RBMS3: variants seen among roughly 807,000 people sequenced by gnomAD.
The protein encoded by RBMS3 is RNA-binding motif, single-stranded-interacting protein 3.
Under a neutral mutation model 66.8 loss-of-function variants are expected in RBMS3, and 27 were observed. That is an observed-to-expected ratio of 0.40 (90% CI 0.30 to 0.56). RBMS3 has a LOEUF of 0.56. RBMS3 is among the 20% of genes least tolerant of loss of function. The pLI, the probability that RBMS3 is intolerant of heterozygous loss-of-function variation, is 0.40. For missense variants in RBMS3, 513 were observed against 549.5 expected, an observed-to-expected ratio of 0.93 and a Z score of 0.66; for synonymous variants, 188 against 183.0, an observed-to-expected ratio of 1.03 and a Z score of -0.22.
intron 4 of RBMS3, among the ~76,000 whole-genome samples, chr3:29,687,903 G>C (rs1032793904): frequency 5.3e-5 from 8 of 152,098 alleles, no homozygotes; most frequent in African/African-American, 1.9e-4. Context: ...AGTATAGAAT[G>C]ATAATTACAT....
At chr3:29,566,680 C>A (rs539662285) in intron 3 of RBMS3, among the ~76,000 whole-genome samples, 1 of 148,628 alleles carries the variant, frequency 6.7e-6, no homozygotes, top group Non-Finnish European at 1.5e-5. Flanking sequence ...ATACATTGTG[C>A]GATTCAATTA....
At chr3:29,547,896 C>A (rs570430931) in intron 3 of RBMS3, among the ~76,000 whole-genome samples, 14 of 147,232 alleles carry the variant, frequency 9.5e-5, no homozygotes, top group African/African-American at 3.6e-4. Context: ...ACACAACCTC[C>A]GTCTTCTCAT....
intron 14 of RBMS3, among the ~76,000 whole-genome samples, chr3:29,998,613 A>G (rs576130631): frequency 2.8e-4 from 43 of 152,150 alleles, no homozygotes; most frequent in Non-Finnish European, 3.1e-4. Flanking sequence ...ATAATGCCGC[A>G]TATCTACAAC....
intron 4 of RBMS3, among the ~76,000 whole-genome samples, chr3:29,721,409 G>A (rs2053638275): frequency 6.6e-6 from 1 of 152,076 alleles, no homozygotes; most frequent in Non-Finnish European, 1.5e-5. Flanking sequence ...CCTCGTAAGT[G>A]GTCTAATACT....
intron 1 of RBMS3, among the ~76,000 whole-genome samples, chr3:29,408,754 T>C (rs531320902): frequency 7.9e-5 from 12 of 152,352 alleles, no homozygotes; most frequent in African/African-American, 2.9e-4. Context: ...CTAATATTTT[T>C]CGTCAGAATA....
At chr3:29,754,120 A>G (rs1215738224) in intron 5 of RBMS3, among the ~76,000 whole-genome samples, 1 of 151,396 alleles carries the variant, frequency 6.6e-6, no homozygotes, top group African/African-American at 2.4e-5. Flanking sequence ...ACCATGCCTA[A>G]TTTTTGTATT....
chr3:29,467,269 A>G (rs575009416), intron 2 of RBMS3, among the ~76,000 whole-genome samples: 100 of 152,290 alleles, frequency 6.6e-4, no homozygotes, highest in African/African-American at 2.1e-3. Flanking sequence ...TCTCATGTAA[A>G]GTTCAAATGT....
intron 4 of RBMS3, among the ~76,000 whole-genome samples, chr3:29,629,090 C>G (rs1231204578): frequency 1.3e-5 from 2 of 151,996 alleles, no homozygotes; most frequent in African/African-American, 2.4e-5. Flanking sequence ...TGGTTGGTAG[C>G]TGTTTTAAGA....
chr3:29,535,250 G>A (rs564302667), intron 3 of RBMS3, among the ~76,000 whole-genome samples: 65 of 152,242 alleles, frequency 4.3e-4, no homozygotes, highest in Middle Eastern at 3.4e-3. Context: ...GCTAGAGATG[G>A]TAATGACTAC....
intron 4 of RBMS3, among the ~76,000 whole-genome samples, chr3:29,725,154 A>G (rs1475578756): frequency 2.0e-5 from 3 of 152,216 alleles, no homozygotes; most frequent in Non-Finnish European, 4.4e-5. Flanking sequence ...TTACTGAATC[A>G]CAAGACTCCT....
At chr3:29,890,576 A>AT (rs1332553158) in intron 8 of RBMS3, among the ~76,000 whole-genome samples, 2 of 151,552 alleles carry the variant, frequency 1.3e-5, no homozygotes, top group African/African-American at 2.4e-5. Flanking sequence ...AAGCTTAACA[A>AT]TTTTTTTCAA....
At chr3:29,823,255 T>C (rs913944513) in intron 6 of RBMS3, among the ~76,000 whole-genome samples, 1 of 152,194 alleles carries the variant, frequency 6.6e-6, no homozygotes, top group Admixed American at 6.6e-5. Flanking sequence ...CTACCATGGA[T>C]AACCACTATC....
At chr3:29,492,934 A>G (rs1688326595) in intron 3 of RBMS3, among the ~76,000 whole-genome samples, 1 of 152,212 alleles carries the variant, frequency 6.6e-6, no homozygotes, top group Non-Finnish European at 1.5e-5. Flanking sequence ...ACCATGCTAA[A>G]TCGGTACAGC....
intron 4 of RBMS3, among the ~76,000 whole-genome samples, chr3:29,666,026 C>T (rs2050739606): frequency 6.6e-6 from 1 of 152,116 alleles, no homozygotes; most frequent in Non-Finnish European, 1.5e-5. Context: ...GTTCAATTCA[C>T]TAGGGTTCTC....
At chr3:29,758,360 A>G (rs2055517787) in intron 5 of RBMS3, among the ~76,000 whole-genome samples, 1 of 152,216 alleles carries the variant, frequency 6.6e-6, no homozygotes, top group African/African-American at 2.4e-5. Context: ...TTTTTAGGGA[A>G]GCCAATCACA....
At chr3:29,938,736 G>A (rs901626512) in intron 11 of RBMS3, among the ~76,000 whole-genome samples, 2 of 151,846 alleles carry the variant, frequency 1.3e-5, no homozygotes, top group Non-Finnish European at 2.9e-5. Context: ...TTCATTGATG[G>A]GGAAGGAATC....
At chr3:29,647,817 A>C (rs1369300656) in intron 4 of RBMS3, among the ~76,000 whole-genome samples, 1 of 152,224 alleles carries the variant, frequency 6.6e-6, no homozygotes, top group African/African-American at 2.4e-5. Context: ...TAAAATATAG[A>C]TAAAAGTTAT....
chr3:29,362,088 T>C (rs2037629408), intron 1 of RBMS3, among the ~76,000 whole-genome samples: 1 of 152,250 alleles, frequency 6.6e-6, no homozygotes, highest in Non-Finnish European at 1.5e-5. Flanking sequence ...CCATTGCTGG[T>C]GAGGAGCTGC....
intron 4 of RBMS3, among the ~76,000 whole-genome samples, chr3:29,712,751 A>C (rs1424921524): frequency 1.3e-5 from 2 of 152,182 alleles, no homozygotes; most frequent in African/African-American, 2.4e-5. Flanking sequence ...TGAAGCTGGA[A>C]TATCCATCTT....
Sources: allele counts gnomAD v4.1 joint callset (sites outside exome capture counted in the v4.1 genomes callset), GRCh38; gene constraint gnomAD v4.1.1; transcripts MANE v1.5; gene names NCBI Gene and HGNC (gene_info 2026-07-23, HGNC 2026-07-21).